FRY: variants seen among roughly 807,000 people sequenced by gnomAD.
FRY encodes the protein FRY microtubule binding protein.
In FRY, 128 loss-of-function variants were observed where a neutral mutation model predicts 348.4. The ratio of observed to expected loss-of-function variants is 0.37; its 90% CI spans 0.32 to 0.43. FRY has a LOEUF of 0.43. Among genes scored for constraint, FRY ranks in the 20% least tolerant of loss-of-function variants. The pLI is 1.00. For synonymous variants in FRY, 1,370 were observed against 1,374.7 expected (o/e 1.00, Z 0.08); for missense variants, 2,736 against 3,695.2 (o/e 0.74, Z 6.73).
At chr13:32,218,632 T>A in intron 35 of FRY, 117 bp from the exon 36 acceptor site, 1 of 644,204 alleles carries the variant, frequency 1.6e-6, no homozygotes, top group Non-Finnish European at 2.7e-6. Context: ...TGAGCCAAGA[T>A]CGCACCACGG....
intron 18 of FRY, 115 bp from the exon 19 acceptor site, chr13:32,173,252 T>C (rs949752087): frequency 2.3e-5 from 17 of 737,080 alleles, no homozygotes; most frequent in Non-Finnish European, 3.1e-5. Flanking sequence ...TAAACCATGG[T>C]CATTTATTTT....
intron 14 of FRY, among the ~76,000 whole-genome samples, chr13:32,154,822 G>A (rs954456644): frequency 1.3e-5 from 2 of 152,310 alleles, no homozygotes; most frequent in Middle Eastern, 6.8e-3. Context: ...GACCTTTGAA[G>A]ACGAGCACTA....
chr13:32,171,317 T>C, intron 18 of FRY, 47 bp downstream of exon 18: 1 of 1,490,100 alleles, frequency 6.7e-7, no homozygotes, highest in Non-Finnish European at 8.9e-7. Context: ...TTTTTTTTTT[T>C]TTTTTTTTTT....
At chr13:32,144,576 C>A (rs1001563072) in intron 11 of FRY, among the ~76,000 whole-genome samples, 4 of 151,946 alleles carry the variant, frequency 2.6e-5, no homozygotes, top group Non-Finnish European at 5.9e-5. Context: ...TATCCCAGAT[C>A]ATTTCTAAAC....
chr13:32,144,510 G>A (rs1392231939), intron 11 of FRY, among the ~76,000 whole-genome samples: 1 of 151,802 alleles, frequency 6.6e-6, no homozygotes, highest in East Asian at 1.9e-4. Flanking sequence ...TGGAAATTTA[G>A]ACTTTTAGAA....
At position 32,261,828 on chromosome 13, in the gene FRY, C is replaced by G. The variant is rs745700020; in HGVS notation, c.7617+12C>G. 6.2e-7 allele frequency: 1 copy of G among 1,611,496 alleles called. No individual in the cohort carries two copies. Among genetic ancestry groups the G allele is most frequent in the Admixed American group, 1.7e-5 (1 of 59,994 alleles). ...AGCACTCAGACCTAGTAAGTAGCGG[C>G]TCTCCCACTCTAAGAATTGGGAGGC... On this transcript the variant is annotated intron_variant, in intron 52 of 60. Coordinates refer to ENST00000542859, the MANE Select transcript of FRY (RefSeq NM_023037.3).
intron 28 of FRY, among the ~76,000 whole-genome samples, chr13:32,193,798 G>C (rs1474993223): frequency 6.6e-6 from 1 of 151,528 alleles, no homozygotes; most frequent in Admixed American, 6.6e-5. Context: ...ATGTTGGCCA[G>C]GCTGGTCTCG....
chr13:32,215,778 C>CA (rs1260998042), intron 35 of FRY, among the ~76,000 whole-genome samples: 3 of 152,120 alleles, frequency 2.0e-5, no homozygotes, highest in Admixed American at 6.5e-5. Flanking sequence ...CTATGTTGCC[C>CA]AGGCTGGTCT....
At chr13:32,031,924 G>A (rs748975505) in intron 1 of FRY, 59 bp downstream of exon 1, 16 of 976,678 alleles carry the variant, frequency 1.6e-5, no homozygotes, top group Middle Eastern at 3.0e-4. Context: ...CATAAGGCTG[G>A]AGACAGAAAA....
At chr13:32,159,496 T>C (rs1014443604) in intron 16 of FRY, among the ~76,000 whole-genome samples, 2 of 152,194 alleles carry the variant, frequency 1.3e-5, no homozygotes, top group Non-Finnish European at 2.9e-5. Flanking sequence ...AAATAACAAG[T>C]AAAGAATAAT....
At chr13:32,275,507 T>A (rs998630716) in intron 56 of FRY, among the ~76,000 whole-genome samples, 1 of 152,242 alleles carries the variant, frequency 6.6e-6, no homozygotes, top group African/African-American at 2.4e-5. Context: ...GCAGGGCTAT[T>A]TCATAGAATA....
rs754193489 is a variant in FRY at position 32,247,334 on chromosome 13, G to T, written c.6840G>T (p.Trp2280Cys). Residue 2280 changes from tryptophan (W) to cysteine (C), a missense_variant, in exon 48 of 61, where the codon TGG becomes TGT. Trp to Cys is a radical substitution (Grantham distance 215). This residue lies in a region of FRY where 789 missense variants were observed against 996.2 expected (regional missense o/e 0.79). Transcript: ENST00000542859. Reference protein sequence around the residue: ...TIEKYVQSVHWREALNILKLV... With the variant: ...TIEKYVQSVHCREALNILKLV... ...TTTATTTCCTGCAGAGTGTTCACTG[G>T]AGAGAAGCTCTGAATATCTTGAAGC... 6.2e-7 allele frequency: 1 copy of T among 1,612,748 alleles called. No homozygotes were observed.
intron 37 of FRY, 141 bp downstream of exon 37, chr13:32,224,526 C>G (rs1885483012): frequency 1.3e-6 from 1 of 759,392 alleles, no homozygotes; most frequent in South Asian, 1.9e-5. Flanking sequence ...TGACTGTCAG[C>G]TTCCAGCATA....
chr13:32,218,104 C>A (rs1297590798), intron 35 of FRY, among the ~76,000 whole-genome samples: 3 of 152,204 alleles, frequency 2.0e-5, no homozygotes, highest in East Asian at 3.8e-4. Context: ...TGACCACCTA[C>A]TGTGTGTCAG....
chr13:32,244,320 T>A, intron 47 of FRY, 138 bp downstream of exon 47: 1 of 803,094 alleles, frequency 1.2e-6, no homozygotes, highest in Non-Finnish European at 2.1e-6. Flanking sequence ...CCAGGGCAGT[T>A]AAGAGTGGGA....
intron 1 of FRY, among the ~76,000 whole-genome samples, chr13:32,033,516 A>T (rs898088585): frequency 6.6e-6 from 1 of 152,208 alleles, no homozygotes; most frequent in Non-Finnish European, 1.5e-5. Flanking sequence ...ATCACTCTAG[A>T]TAAAGTATAT....
intron 1 of FRY, among the ~76,000 whole-genome samples, chr13:32,032,619 G>A (rs186046275): frequency 3.4e-4 from 52 of 152,212 alleles, no homozygotes; most frequent in Admixed American, 8.5e-4. Flanking sequence ...TTAGCAATAC[G>A]CTATTTCAAA....
At chr13:32,283,637 T>A (rs9534052) in intron 58 of FRY, among the ~76,000 whole-genome samples, 1 of 152,192 alleles carries the variant, frequency 6.6e-6, no homozygotes, top group African/African-American at 2.4e-5. Flanking sequence ...TTTCCAATAT[T>A]TGGGAAGTAT....
At chr13:32,103,507 C>T (rs957489604) in intron 3 of FRY, among the ~76,000 whole-genome samples, 7 of 152,074 alleles carry the variant, frequency 4.6e-5, no homozygotes, top group African/African-American at 1.7e-4. Flanking sequence ...GGCCTGTCGT[C>T]GGGTGGAGGG....
Sources: allele counts gnomAD v4.1 joint callset (sites outside exome capture counted in the v4.1 genomes callset), GRCh38; gene constraint gnomAD v4.1.1; regional missense constraint gnomAD v4.1.1; transcripts MANE v1.5; gene names NCBI Gene and HGNC (gene_info 2026-07-23, HGNC 2026-07-21).